The following ZNF48 variants were observed in gnomAD, a reference collection of about 807,000 sequenced individuals.
ZNF48 encodes zinc finger protein 553.
Under a neutral mutation model 40.0 loss-of-function variants are expected in ZNF48, and 20 were observed. That is an observed-to-expected ratio of 0.50 (90% CI 0.35 to 0.73). The LOEUF is 0.73. ZNF48 is among the 30% of genes least tolerant of loss of function. The pLI is 0.01. For synonymous variants in ZNF48, 298 were observed against 329.7 expected (o/e 0.90, Z 1.04); for missense variants, 726 against 851.9 (o/e 0.85, Z 1.84).
At position 30,381,371 on chromosome 16, in the gene ZNF48, G is replaced by A. The variant is rs1426220846; in HGVS notation, c.-16+2961G>A. On this transcript the variant is annotated intron_variant, in intron 1 of 2. Coordinates refer to the ZNF48 transcript ENST00000528032. This position sits in a 1 kb window ranked among gnomAD's most constrained non-coding sequence, Gnocchi z 4.3. ...CGAAGGGTGAGATGAAGTAGAGGCA[G>A]CAGTGGACTCGGGAGTCCTGGATGT... is the stretch of plus-strand genomic sequence containing the variant. 1.9e-6 allele frequency: 3 copies of A among 1,613,322 alleles called. No individual in the cohort carries two copies. The highest frequency in any genetic ancestry group is 2.5e-6 in the Non-Finnish European group (3 of 1,179,628).
Position 30,397,076 on chromosome 16 carries a change from G to T in ZNF48, c.80-254G>T, listed in dbSNP as rs936536180. On this transcript the variant is annotated intron_variant, in intron 2 of 2. Transcript: ENST00000613509. This position sits in a 1 kb window ranked among gnomAD's most constrained non-coding sequence, Gnocchi z 4.1. The stretch of plus-strand genomic sequence containing the variant: ...TTTCCATGCCTGTAATATGGGGATA[G>T]TCATAGTGTTATAGTATTGTTTGCA... Among the ~76,000 whole-genome samples the T allele has an allele frequency of 6.6e-6, 1 of 152,172 alleles. No homozygotes were observed. The highest frequency in any genetic ancestry group is 2.4e-5 in the African/African-American group (1 of 41,438).
intron 1 of ZNF48, chr16:30,380,045 CAG>C (rs1228854204): frequency 2.5e-6 from 4 of 1,605,444 alleles, no homozygotes; most frequent in South Asian, 1.1e-5. Context: ...TCAGGGGAAA[CAG>C]ATATAGAGAC....
intron 1 of ZNF48, chr16:30,379,642 T>A (rs995145721): frequency 2.6e-6 from 1 of 389,284 alleles, no homozygotes; most frequent in Non-Finnish European, 4.2e-6. Context: ...CCCTTCCTCT[T>A]TTTTTTTTTT....
intron 2 of ZNF48, among the ~76,000 whole-genome samples, chr16:30,396,383 A>G (rs1314363734): frequency 6.6e-6 from 1 of 151,952 alleles, no homozygotes; most frequent in Non-Finnish European, 1.5e-5. Context: ...GCCGGTTCCT[A>G]TTTCCTTATC....
In ZNF48 at chr16:30,381,623, GA is replaced by G; in HGVS notation, c.-16+3215del. ...GGTGGGGGCCTAGGTGAGTCATCAAGAAGCACAGGGACCCAGTGGCCCTCTG... is the reference window on the plus strand; with the variant it reads ...GGTGGGGGCCTAGGTGAGTCATCAAGAGCACAGGGACCCAGTGGCCCTCTG... On this transcript the variant is annotated intron_variant, in intron 1 of 2. Transcript: ENST00000528032. The surrounding 1 kb of genome is among the most constrained non-coding windows in gnomAD (Gnocchi z 4.3). 6.8e-7 allele frequency: 1 copy of G among 1,478,226 alleles called. No individual in the cohort carries two copies. The highest frequency in any genetic ancestry group is 9.2e-7 in the Non-Finnish European group (1 of 1,086,524). 91.6% of individuals were successfully genotyped at this position (1,478,226 alleles called of 1,614,324 possible).
At chr16:30,389,815 AGTTTTTTTTTTTTTT>A in intron 1 of ZNF48, among the ~76,000 whole-genome samples, 1 of 10,542 alleles carries the variant, frequency 9.5e-5, no homozygotes, top group African/African-American at 2.6e-4. Context: ...CATTTGGATT[AGTTTTTTTTTTTTTT>A]TTTTTTTTTT....
In ZNF48 at chr16:30,397,684, G is replaced by C. The variant is rs1276382421; in HGVS notation, c.434G>C (p.Cys145Ser). The C allele has an allele frequency of 6.2e-6, 10 of 1,613,900 alleles. No individual in the cohort carries two copies. The highest frequency in any genetic ancestry group is 8.5e-6 in the Non-Finnish European group (10 of 1,179,992). The change falls in exon 3 of 3, where the codon TGT becomes TCT. Residue 145 changes from cysteine (C) to serine (S), a missense_variant. Around this residue, in one of 5 missense-constraint regions of ZNF48, gnomAD observed 378 missense variants for 449.1 expected, o/e 0.84. Coordinates refer to ENST00000613509, the MANE Select transcript of ZNF48 (RefSeq NM_001214909.2). The surrounding 1 kb of genome is among the most constrained non-coding windows in gnomAD (Gnocchi z 4.1). ...GAGAAACCCTACAAGTGTGGGGTCT[G>C]TGGCAAGGGCTTTGGGGATAGCTCT... is the stretch of plus-strand genomic sequence containing the variant. ...TGEKPYKCGV[C>S]GKGFGDSSAR...
At chr16:30,388,367 A>G (rs1170749285) in intron 1 of ZNF48, among the ~76,000 whole-genome samples, 1 of 152,092 alleles carries the variant, frequency 6.6e-6, no homozygotes, top group Non-Finnish European at 1.5e-5. Context: ...ACAGGTGTTC[A>G]CCACCATACC....
chr16:30,397,500 G>A lies in ZNF48; in HGVS notation c.250G>A (p.Gly84Ser), dbSNP rs181796662. 16 of 1,614,150 alleles carry A rather than the reference G, an allele frequency of 9.9e-6. No homozygotes were observed. The highest frequency in any genetic ancestry group is 1.4e-5 in the Non-Finnish European group (16 of 1,180,006). ...NWDDLWVQREGLGKPQPRDRG... is the reference protein window; with the variant it reads ...NWDDLWVQRESLGKPQPRDRG... ...GGATGACTTATGGGTCCAGAGAGAG[G>A]GTCTAGGAAAGCCTCAGCCTCGGGA... The change falls in exon 3 of 3, where the codon GGT (glycine) becomes AGT (serine). Residue 84 changes from glycine to serine, a missense_variant. By Grantham distance (56) the Gly-to-Ser change is moderately conservative. Around this residue, in one of 5 missense-constraint regions of ZNF48, gnomAD observed 151 missense variants for 162.3 expected, o/e 0.93. Transcript: ENST00000613509. This position sits in a 1 kb window ranked among gnomAD's most constrained non-coding sequence, Gnocchi z 4.1.
At chr16:30,385,825 T>G (rs2049896742) in intron 1 of ZNF48, among the ~76,000 whole-genome samples, 1 of 151,564 alleles carries the variant, frequency 6.6e-6, no homozygotes. Context: ...GAATAACATG[T>G]TTAAAGGAAA....
intron 1 of ZNF48, chr16:30,379,257 A>T: frequency 6.3e-7 from 1 of 1,575,690 alleles, no homozygotes; most frequent in Non-Finnish European, 8.7e-7. Flanking sequence ...GGTCGGGTCT[A>T]CAGGAAAGTC....
rs562661092 is a variant in ZNF48 at position 30,379,770 on chromosome 16, C to T, written c.-16+1360C>T. 130 of 597,574 alleles carry T rather than the reference C, an allele frequency of 2.2e-4. 4 individuals are homozygous for T. The South Asian group carries it at 2.5e-3, about 12-fold the overall frequency. The allele number at this position is 597,574 out of a possible 1,614,324, so 37.0% of individuals were successfully genotyped here. On this transcript the variant is annotated intron_variant, in intron 1 of 2. Transcript: ENST00000528032. ...TACAGGCGCCCACCATCACACCTGG[C>T]AAATTTGTGTATTTTTAGTAGAGGT... is the stretch of plus-strand genomic sequence containing the variant.
rs575986377 is a variant in ZNF48, at chr16:30,384,371, A to G, written c.-16+5961A>G. Among the ~76,000 whole-genome samples the G allele has an allele frequency of 2.7e-4, 41 of 151,566 alleles. 1 individual carries two copies. Among genetic ancestry groups the G allele is most frequent in the Middle Eastern group, 6.8e-3 (2 of 292 alleles). On this transcript the variant is annotated intron_variant, in intron 1 of 2. Coordinates refer to the ZNF48 transcript ENST00000528032. ...GTGAAACCCCATCTCTACTAAAAATACAAAAAATTAGCTGGGCATGGTGGC... is the reference window on the plus strand; with the variant it reads ...GTGAAACCCCATCTCTACTAAAAATGCAAAAAATTAGCTGGGCATGGTGGC...
chr16:30,389,443 C>T (rs376628219), intron 1 of ZNF48, among the ~76,000 whole-genome samples: 4 of 149,220 alleles, frequency 2.7e-5, no homozygotes, highest in Non-Finnish European at 4.4e-5. Flanking sequence ...CATGGTGGTG[C>T]GCGCCTGTAA....
chr16:30,379,194 G>A (rs759914726), intron 1 of ZNF48: 2 of 1,613,682 alleles, frequency 1.2e-6, no homozygotes, highest in Non-Finnish European at 1.7e-6. Flanking sequence ...CTGGAGGGGG[G>A]GCGGCGCGGA....
In ZNF48 at chr16:30,378,813, C is replaced by T. The variant is rs1169711152; in HGVS notation, c.-16+403C>T. ...GGGGTCTAGGAGGCGGAGCCAGTTC[C>T]TTGAGGTTAGGGCCGGAGGCAAAGC... On this transcript the variant is annotated intron_variant, in intron 1 of 2. Transcript: ENST00000528032. 15 of 890,572 alleles carry T rather than the reference C, an allele frequency of 1.7e-5. No homozygotes were observed. The East Asian group carries it at 2.4e-4, about 14-fold the overall frequency. The allele number at this position is 890,572 out of a possible 1,614,324, so 55.2% of individuals were successfully genotyped here. A position where few individuals can be genotyped will look rare whatever the true frequency, so the allele number is the denominator to read the frequency against.
upstream of ZNF48, among the ~76,000 whole-genome samples, chr16:30,393,115 C>G (rs60628262): frequency 6.6e-6 from 1 of 152,018 alleles, no homozygotes; most frequent in East Asian, 1.9e-4. Flanking sequence ...TCGCTCTTGT[C>G]CCCCAGGCTG....
rs1249781879 is a variant in ZNF48 at position 30,382,041 on chromosome 16, G to C, written c.-16+3631G>C. ...GAGTCCCCAGATGGAAAAGACTAGGGTGTAACCTGGGGACAGGGGCTACTG... is the reference window on the plus strand; with the variant it reads ...GAGTCCCCAGATGGAAAAGACTAGGCTGTAACCTGGGGACAGGGGCTACTG... On this transcript the variant is annotated intron_variant, in intron 1 of 2. Transcript: ENST00000528032. The surrounding 1 kb of genome is among the most constrained non-coding windows in gnomAD (Gnocchi z 4.8). 3 of 1,588,088 alleles carry C rather than the reference G, an allele frequency of 1.9e-6. No individual in the cohort carries two copies. Among genetic ancestry groups the C allele is most frequent in the African/African-American group, 2.7e-5 (2 of 74,250 alleles).
rs989097539 is a variant in ZNF48 at position 30,382,449 on chromosome 16, A to C, written c.-16+4039A>C. 1.5e-5 allele frequency: 23 copies of C among 1,570,356 alleles called. No homozygotes were observed. In the African/African-American group the frequency reaches 3.1e-4, roughly 21 times the overall value. ...TCACTTGAGTTCCTGGGCTAGGAAG[A>C]GTCAGTGGGGTCTGGGGACCCCAGG... is the stretch of plus-strand genomic sequence containing the variant. On this transcript the variant is annotated intron_variant, in intron 1 of 2. Coordinates refer to the ZNF48 transcript ENST00000528032. The surrounding 1 kb of genome is among the most constrained non-coding windows in gnomAD (Gnocchi z 4.8).
Sources: gnomAD v4.1 joint callset for allele counts (sites outside exome capture counted in the v4.1 genomes callset) on GRCh38, gnomAD v4.1.1 for gene constraint, gnomAD v4.1.1 regional missense constraint, Gnocchi (gnomAD v3.1) non-coding constraint, MANE v1.5 for transcripts, NCBI Gene and HGNC (gene_info 2026-07-23, HGNC 2026-07-21) for gene names.